Variants in EIF3J observed in about 807,000 individuals in gnomAD.
EIF3J encodes eukaryotic translation initiation factor 3 subunit J.
Under a neutral mutation model 39.0 loss-of-function variants are expected in EIF3J, and 15 were observed. The ratio of observed to expected loss-of-function variants is 0.38; its 90% CI spans 0.26 to 0.59. The LOEUF (loss-of-function observed/expected upper bound fraction) is 0.59, where lower values mean the gene tolerates loss of function less well. Among genes scored for constraint, EIF3J ranks in the 20% least tolerant of loss-of-function variants. EIF3J has a pLI of 0.60. For missense variants in EIF3J, 226 were observed against 308.6 expected, an observed-to-expected ratio of 0.73 and a Z score of 2.00; for synonymous variants, 98 against 112.9, an observed-to-expected ratio of 0.87 and a Z score of 0.84.
chr15:44,562,317 G>A lies in EIF3J; in HGVS notation c.*1168G>A, dbSNP rs2082208472. The A allele has an allele frequency of 6.6e-6, 1 of 152,666 alleles. No homozygotes were observed. The highest frequency in any genetic ancestry group is 1.9e-4 in the East Asian group (1 of 5,186). 9.5% of individuals were successfully genotyped at this position (152,666 alleles called of 1,614,324 possible). A position where few individuals can be genotyped will look rare whatever the true frequency, so the allele number is the denominator to read the frequency against. The stretch of plus-strand genomic sequence containing the variant: ...ATTATTTTGTTATTTAGATACCAAG[G>A]CCTAATTAATTAAGTACCTATAAGA... On this transcript the variant is annotated 3_prime_UTR_variant, in exon 8 of 8. Coordinates refer to ENST00000261868, the MANE Select transcript of EIF3J (RefSeq NM_003758.4).
At chr15:44,538,445 A>C (rs1232218384) in intron 2 of EIF3J, among the ~76,000 whole-genome samples, 1 of 152,090 alleles carries the variant, frequency 6.6e-6, no homozygotes, top group African/African-American at 2.4e-5. Flanking sequence ...AATTTAGTGA[A>C]TTTCTCCTAA....
chr15:44,546,222 G>A (rs987494775), intron 2 of EIF3J, among the ~76,000 whole-genome samples: 4 of 152,110 alleles, frequency 2.6e-5, no homozygotes, highest in African/African-American at 9.7e-5. Context: ...TCTAACTCTA[G>A]TATCACAGTT....
intron 6 of EIF3J, among the ~76,000 whole-genome samples, chr15:44,559,374 T>G (rs1400689407): frequency 6.8e-6 from 1 of 147,024 alleles, no homozygotes; most frequent in Non-Finnish European, 1.5e-5. Flanking sequence ...ATCACGCCAC[T>G]GTACCCCAGC....
chr15:44,553,942 CT>C, intron 4 of EIF3J, among the ~76,000 whole-genome samples: 1 of 152,078 alleles, frequency 6.6e-6, no homozygotes, highest in Non-Finnish European at 1.5e-5. Flanking sequence ...GTCTCAATTC[CT>C]TTTTTTAAAA....
chr15:44,559,826 A>C (rs2082177079), intron 6 of EIF3J, among the ~76,000 whole-genome samples: 1 of 152,162 alleles, frequency 6.6e-6, no homozygotes, highest in Non-Finnish European at 1.5e-5. Context: ...AGACTGAGGA[A>C]GGATAGTAGG....
At chr15:44,539,541 C>T (rs528996302) in intron 2 of EIF3J, among the ~76,000 whole-genome samples, 2 of 151,124 alleles carry the variant, frequency 1.3e-5, no homozygotes, top group Non-Finnish European at 2.9e-5. Flanking sequence ...CCGAGGACTA[C>T]AGGTGCCCAC....
rs2081965089 is a variant in EIF3J, at chr15:44,537,209, G to GTC, written c.15_16insTC (p.Ala6SerfsTer61). 6.2e-7 allele frequency: 1 copy of GTC among 1,605,768 alleles called. No individual in the cohort carries two copies. The highest frequency in any genetic ancestry group is 1.7e-5 in the Admixed American group (1 of 59,236). ...CCCGGCTCGAGATGGCGGCGGCGGC[G>GTC]GCGGCGGCGGGGGACTCGGACTCCT... On this transcript the variant is annotated frameshift_variant, in exon 1 of 8. Coordinates refer to ENST00000261868, the MANE Select transcript of EIF3J (RefSeq NM_003758.4). LOFTEE classifies it high-confidence loss of function.
At chr15:44,554,375 TAAAAAAA>T (rs59415615) in intron 4 of EIF3J, among the ~76,000 whole-genome samples, 171 bp from the exon 5 acceptor site, 39 of 61,898 alleles carry the variant, frequency 6.3e-4, no homozygotes, top group African/African-American at 1.7e-3. Flanking sequence ...AGGCTCTGTC[TAAAAAAA>T]AAAAAAAAAA....
chr15:44,559,252 A>AC (rs1458785479), intron 6 of EIF3J: 13 of 150,560 alleles, frequency 8.6e-5, no homozygotes, highest in African/African-American at 2.7e-4. Flanking sequence ...AAAAAAAAAA[A>AC]AACACAAAAA....
intron 6 of EIF3J, among the ~76,000 whole-genome samples, 187 bp from the exon 7 acceptor site, chr15:44,560,062 A>C (rs939000546): frequency 2.0e-5 from 3 of 152,160 alleles, no homozygotes; most frequent in African/African-American, 7.2e-5. Flanking sequence ...CCTTACGTTT[A>C]AAGAGGAGAA....
rs919180929 is a variant in EIF3J at position 44,542,979 on chromosome 15, T to C, written c.147+5552T>C. Among the ~76,000 whole-genome samples the C allele has an allele frequency of 3.3e-5, 5 of 151,024 alleles. No homozygotes were observed. The East Asian group carries it at 7.7e-4, about 23-fold the overall frequency. On this transcript the variant is annotated intron_variant, in intron 2 of 7. Transcript: ENST00000261868. ...TGAAGTGAGTTGTAGACTTGCTCCC[T>C]ATTTTAAGTGTTAATTTTAGCTGTT...
intron 2 of EIF3J, among the ~76,000 whole-genome samples, chr15:44,549,764 CAAAAAAAAAAAA>C (rs774290941): frequency 3.5e-4 from 4 of 11,470 alleles, no homozygotes; most frequent in Non-Finnish European, 6.4e-4. Flanking sequence ...GACTCCGTCT[CAAAAAAAAAAAA>C]AAAAAAAAAA....
intron 2 of EIF3J, among the ~76,000 whole-genome samples, chr15:44,547,480 C>T (rs1454742029): frequency 3.5e-5 from 5 of 143,498 alleles, no homozygotes; most frequent in East Asian, 2.1e-4. Context: ...GAAGTCTCGC[C>T]GCACTGTCAC....
chr15:44,555,811 G>C (rs901323116), intron 5 of EIF3J, among the ~76,000 whole-genome samples: 3 of 152,064 alleles, frequency 2.0e-5, no homozygotes, highest in African/African-American at 7.2e-5. Flanking sequence ...TAATCTACTT[G>C]ACATGGAGGA....
chr15:44,560,355 A>T (rs1422250204), intron 7 of EIF3J, 33 bp downstream of exon 7: 1 of 1,597,552 alleles, frequency 6.3e-7, no homozygotes, highest in Non-Finnish European at 8.6e-7. Context: ...AATGGGTATT[A>T]AATTAGAGTG....
At chr15:44,543,113 C>A (rs2082025778) in intron 2 of EIF3J, among the ~76,000 whole-genome samples, 1 of 152,208 alleles carries the variant, frequency 6.6e-6, no homozygotes, top group South Asian at 2.1e-4. Flanking sequence ...GGTGAACATT[C>A]TACCTTAAAT....
In EIF3J at chr15:44,537,561, C is replaced by T. The variant is rs2081969915; in HGVS notation, c.147+134C>T. On this transcript the variant is annotated intron_variant, in intron 2 of 7. Transcript: ENST00000261868. ...CGAGCATAGGGCCTGGCGGTGCTCTCTTCCCCTCCGCTTGCCGGCCATGTG... is the reference window on the plus strand; with the variant it reads ...CGAGCATAGGGCCTGGCGGTGCTCTTTTCCCCTCCGCTTGCCGGCCATGTG... 6.5e-6 allele frequency: 6 copies of T among 916,404 alleles called. No individual in the cohort carries two copies. In the East Asian group the frequency reaches 2.0e-4, roughly 30 times the overall value. 56.8% of individuals were successfully genotyped at this position (916,404 alleles called of 1,614,324 possible).
At chr15:44,542,270 A>T (rs181854766) in intron 2 of EIF3J, among the ~76,000 whole-genome samples, 1 of 152,304 alleles carries the variant, frequency 6.6e-6, no homozygotes, top group Non-Finnish European at 1.5e-5. Flanking sequence ...CCTTGCCAAG[A>T]TCTCGTTGCA....
At chr15:44,540,265 A>AT (rs1200377006) in intron 2 of EIF3J, among the ~76,000 whole-genome samples, 4 of 65,348 alleles carry the variant, frequency 6.1e-5, no homozygotes, top group African/African-American at 2.5e-4. Flanking sequence ...ATATATATAT[A>AT]TATTTTTTTT....
Sources: gnomAD v4.1 joint callset for allele counts (sites outside exome capture counted in the v4.1 genomes callset) on GRCh38, gnomAD v4.1.1 for gene constraint, MANE v1.5 for transcripts, NCBI Gene and HGNC (gene_info 2026-07-23, HGNC 2026-07-21) for gene names.